Variants in SYTL2 observed in about 807,000 individuals in gnomAD.
SYTL2 encodes the protein synaptotagmin-like protein 2.
Under a neutral mutation model 198.7 loss-of-function variants are expected in SYTL2, and 165 were observed. The observed-to-expected ratio is 0.83, with a 90% CI of 0.73 to 0.94. SYTL2 has a LOEUF of 0.94. Ranked by LOEUF, SYTL2 falls within the 40% of genes least tolerant of loss-of-function variation. The pLI, the probability that SYTL2 is intolerant of heterozygous loss-of-function variation, is 0.00. For missense variants in SYTL2, 2,835 were observed against 2,582.8 expected, an observed-to-expected ratio of 1.10 and a Z score of -2.12; for synonymous variants, 966 against 917.7, an observed-to-expected ratio of 1.05 and a Z score of -0.95.
intron 6 of SYTL2, among the ~76,000 whole-genome samples, 153 bp downstream of exon 6, chr11:85,736,348 A>G (rs1437967296): frequency 1.3e-5 from 2 of 152,232 alleles, no homozygotes; most frequent in Non-Finnish European, 2.9e-5. Flanking sequence ...CCTCTCCCTC[A>G]GGAAGGAAAC....
the SYTL2 span, among the ~76,000 whole-genome samples, chr11:85,840,092 G>A: frequency 0.16 from 23,940 of 151,990 alleles, 2,043 homozygotes; most frequent in Middle Eastern, 0.2. Context: ...CTTCTTTCAA[G>A]AAATGTCTAT....
chr11:85,780,763 C>CA (rs1485275998), intron 1 of SYTL2, among the ~76,000 whole-genome samples: 1 of 151,924 alleles, frequency 6.6e-6, no homozygotes, highest in African/African-American at 2.4e-5. Flanking sequence ...TAGTCAAACC[C>CA]AAAAAAAGGA....
At position 85,709,357 on chromosome 11, in the gene SYTL2, C is replaced by T. The variant is rs202024537; in HGVS notation, c.5889G>A (p.Ala1963=). The change falls in exon 14 of 20, where the codon GCG becomes GCA. Residue 1963 remains alanine (A), a synonymous_variant. Coordinates refer to ENST00000359152, the MANE Select transcript of SYTL2 (RefSeq NM_206927.4). ...GGTCTGAACGCTGTTTTTTTACATC[C>T]GCTGCTGCTAAGTCCTTACACTGGG... ...FVAQCKDLAA[A]DVKKQRSDPY... is the part of the protein sequence containing the mutation. 34 of 1,614,010 alleles carry T rather than the reference C, an allele frequency of 2.1e-5. No individual in the cohort carries two copies. The highest frequency in any genetic ancestry group is 2.0e-4 in the East Asian group (9 of 44,864).
At chr11:85,701,678 T>C (rs925504906) in intron 16 of SYTL2, among the ~76,000 whole-genome samples, 1 of 152,244 alleles carries the variant, frequency 6.6e-6, no homozygotes, top group Non-Finnish European at 1.5e-5. Context: ...ACCATTTCTT[T>C]AGTGGAACTA....
At chr11:85,734,775 T>A in intron 6 of SYTL2, 33 bp from the exon 7 acceptor site, 1 of 1,443,486 alleles carries the variant, frequency 6.9e-7, no homozygotes, top group South Asian at 1.3e-5. Flanking sequence ...TGATATATCA[T>A]ATAGAGAGTA....
rs567979964 is a variant in SYTL2 at position 85,745,618 on chromosome 11, C to T, written c.389+19G>A. On this transcript the variant is annotated intron_variant, in intron 4 of 19. Coordinates refer to ENST00000359152, the MANE Select transcript of SYTL2 (RefSeq NM_206927.4). ...ATGAAAGCCACATGCAGCAGCTCTC[C>T]CCAGAAGCTTTGCCTTACCTCGGGC... 19 of 1,608,636 alleles carry T rather than the reference C, an allele frequency of 1.2e-5. No individual in the cohort carries two copies. The South Asian group carries it at 2.1e-4, about 18-fold the overall frequency.
chr11:85,724,361 TG>T lies in SYTL2; in HGVS notation c.4996del (p.Gln1666AsnfsTer8), dbSNP rs761032924. ...CCCTATTTCATGAGCCACATAAAGT[TG>T]TGGGGTTCTAGGGATCTCAACTCCA... ...RSGVEIPRTP[Q>X]LYVAHEIGTI... On this transcript the variant is annotated frameshift_variant, in exon 8 of 20. Transcript: ENST00000359152. LOFTEE classifies it high-confidence loss of function. The T allele has an allele frequency of 1.3e-6, 2 of 1,588,522 alleles. No homozygotes were observed. The highest frequency in any genetic ancestry group is 3.6e-5 in the Admixed American group (2 of 56,086).
intron 7 of SYTL2, 37 bp from the exon 8 acceptor site, chr11:85,728,004 G>C: frequency 6.6e-7 from 1 of 1,505,468 alleles, no homozygotes; most frequent in East Asian, 2.3e-5. Context: ...TAAGAAAAGA[G>C]CATGCTTAAA....
intron 12 of SYTL2, among the ~76,000 whole-genome samples, chr11:85,713,836 G>A (rs1403812002): frequency 6.6e-6 from 1 of 152,176 alleles, no homozygotes; most frequent in African/African-American, 2.4e-5. Context: ...AGGCAACTTG[G>A]ATCTGTGCTC....
At chr11:85,715,152 A>C (rs995403015) in intron 11 of SYTL2, 4 of 152,228 alleles carry the variant, frequency 2.6e-5, no homozygotes, top group Non-Finnish European at 4.4e-5. Flanking sequence ...GGGTACTCTA[A>C]GAATTTAATA....
At chr11:85,716,265 G>A (rs1252848411) in intron 11 of SYTL2, 1 of 152,146 alleles carries the variant, frequency 6.6e-6, no homozygotes, top group Non-Finnish European at 1.5e-5. Flanking sequence ...AAAAGTAACT[G>A]GAAAAGCCCC....
chr11:85,813,286 C>T (rs911118434), upstream of SYTL2, among the ~76,000 whole-genome samples: 66 of 151,876 alleles, frequency 4.3e-4, no homozygotes, highest in African/African-American at 1.6e-3. Flanking sequence ...ACCAATTACT[C>T]AACCTCCCTG....
chr11:85,843,662 T>G, the SYTL2 span, among the ~76,000 whole-genome samples: 1 of 152,160 alleles, frequency 6.6e-6, no homozygotes, highest in South Asian at 2.1e-4. Context: ...ACATGGGAAA[T>G]GTGACACAGA....
chr11:85,841,362 A>G, the SYTL2 span, among the ~76,000 whole-genome samples: 1 of 152,214 alleles, frequency 6.6e-6, no homozygotes, highest in Non-Finnish European at 1.5e-5. Context: ...ACAAAGACAC[A>G]TGCACGCATA....
rs2090129272 is a variant in SYTL2 at position 85,734,350 on chromosome 11, G to C, written c.979C>G (p.Leu327Val). 1.2e-6 allele frequency: 2 copies of C among 1,614,210 alleles called. No individual in the cohort carries two copies. The change falls in exon 7 of 20, where the codon CTG becomes GTG. Residue 327 changes from leucine (L) to valine (V), a missense_variant. Physicochemically the swap from Leu to Val is conservative, Grantham distance 32. Around this residue, in one of 3 missense-constraint regions of SYTL2, gnomAD observed 2,645 missense variants for 2,381.7 expected, o/e 1.11. Transcript: ENST00000359152. ...SLEDNSSPNS[L>V]EPLKHVRFSA... ...AATCTCACATGCTTTAATGGCTCCA[G>C]GGAGTTTGGGGAAGAGTTGTCTTCT...
intron 9 of SYTL2, 124 bp downstream of exon 9, chr11:85,720,734 C>T: frequency 1.6e-6 from 1 of 619,836 alleles, no homozygotes; most frequent in Non-Finnish European, 2.9e-6. Context: ...AGGTTATTTT[C>T]ATCTGTTAAC....
chr11:85,809,074 G>C (rs185168432), intron 1 of SYTL2, among the ~76,000 whole-genome samples: 34 of 152,304 alleles, frequency 2.2e-4, no homozygotes, highest in Admixed American at 1.4e-3. Flanking sequence ...GGTGGAACCT[G>C]GGCTTCCCCT....
At chr11:85,791,065 G>A (rs944070554) in intron 1 of SYTL2, among the ~76,000 whole-genome samples, 3 of 149,244 alleles carry the variant, frequency 2.0e-5, no homozygotes, top group African/African-American at 7.4e-5. Context: ...TACTTGGGAG[G>A]CGGAGGCAGG....
the SYTL2 span, among the ~76,000 whole-genome samples, chr11:85,840,498 C>A: frequency 7.2e-5 from 11 of 152,162 alleles, no homozygotes; most frequent in African/African-American, 2.4e-4. Flanking sequence ...ACAGGGCTAC[C>A]AAAACAGCAT....
Sources: gnomAD v4.1 joint callset for allele counts (sites outside exome capture counted in the v4.1 genomes callset) on GRCh38, gnomAD v4.1.1 for gene constraint, gnomAD v4.1.1 regional missense constraint, MANE v1.5 for transcripts, NCBI Gene and HGNC (gene_info 2026-07-23, HGNC 2026-07-21) for gene names.